Variants in TRIM9 observed in about 807,000 individuals in gnomAD.
TRIM9 encodes the protein tripartite motif containing 9, also known as E3 ubiquitin-protein ligase TRIM9.
In TRIM9, 26 loss-of-function variants were observed where a neutral mutation model predicts 78.3. The ratio of observed to expected loss-of-function variants is 0.33; its 90% CI spans 0.24 to 0.46. The LOEUF is 0.46. Ranked by LOEUF, TRIM9 falls within the 20% of genes least tolerant of loss-of-function variation. TRIM9 has a pLI of 1.00. For synonymous variants in TRIM9, 398 were observed against 416.5 expected, an observed-to-expected ratio of 0.96 and a Z score of 0.54; for missense variants, 787 against 1,036.4, an observed-to-expected ratio of 0.76 and a Z score of 3.30.
In TRIM9 at chr14:50,986,150, T is replaced by C. The variant is rs1222878262; in HGVS notation, c.1604-6A>G. On this transcript the variant is annotated splice_polypyrimidine_tract_variant and splice_region_variant and intron_variant, in intron 7 of 12. Coordinates refer to ENST00000684578, the MANE Select transcript of TRIM9 (RefSeq NM_001387360.1). ...CTGTTCTTCTGAATCTGTGTCTAAA[T>C]GTAAGATCAATGCAAACTAGAGATC... 4 of 1,503,416 alleles carry C rather than the reference T, an allele frequency of 2.7e-6. No individual in the cohort carries two copies. The highest frequency in any genetic ancestry group is 3.6e-6 in the Non-Finnish European group (4 of 1,122,702). The allele number at this position is 1,503,416 out of a possible 1,614,324, so 93.1% of individuals were successfully genotyped here. A position where few individuals can be genotyped will look rare whatever the true frequency, so the allele number is the denominator to read the frequency against.
At chr14:50,981,611 C>G (rs973508547) in intron 11 of TRIM9, among the ~76,000 whole-genome samples, 189 bp downstream of exon 11, 2 of 152,176 alleles carry the variant, frequency 1.3e-5, no homozygotes, top group Non-Finnish European at 2.9e-5. Flanking sequence ...ACTCAAGTCT[C>G]TATCATTATA....
intron 1 of TRIM9, 57 bp from the exon 2 acceptor site, chr14:51,025,417 C>CCACACAGGTGTGTT: frequency 6.6e-7 from 1 of 1,510,496 alleles, no homozygotes. Context: ...ACCAACAAGG[C>CCACACAGGTGTGTT]CAGCGAGACT....
chr14:51,059,811 C>CA lies in TRIM9; in HGVS notation c.822+34306dup, dbSNP rs1394229642. On this transcript the variant is annotated intron_variant, in intron 1 of 12. Coordinates refer to ENST00000684578, the MANE Select transcript of TRIM9 (RefSeq NM_001387360.1). The stretch of plus-strand genomic sequence containing the variant: ...AGACTCTGTCTCAAAAAAAAAAAAA[C>CA]AAAAAAAACACAAAAAAACAAAAAA... 6.0e-3 allele frequency among the ~76,000 whole-genome samples: 803 copies of CA among 134,938 alleles called. 9 individuals carry two copies. Among genetic ancestry groups the CA allele is most frequent in the East Asian group, 0.032 (145 of 4,548 alleles). The allele number at this position is 134,938 out of a possible 152,430, so 88.5% of individuals were successfully genotyped here.
chr14:51,084,187 A>G (rs1000819540), intron 1 of TRIM9, among the ~76,000 whole-genome samples: 1 of 151,966 alleles, frequency 6.6e-6, no homozygotes, highest in African/African-American at 2.4e-5. Context: ...TTTTTTATAT[A>G]TATTTAGTGA....
At position 50,975,981 on chromosome 14, in the gene TRIM9, T is replaced by C. The variant is rs1441251004; in HGVS notation, c.*1310A>G. ...AGGCTGTGAATGGCAGCAGAGTGGA[T>C]GGATTTTTCATTCATAACAGGCACA... On this transcript the variant is annotated 3_prime_UTR_variant, in exon 13 of 13. Coordinates refer to ENST00000684578, the MANE Select transcript of TRIM9 (RefSeq NM_001387360.1). 4 of 152,614 alleles carry C rather than the reference T, an allele frequency of 2.6e-5. No individual in the cohort carries two copies. Among genetic ancestry groups the C allele is most frequent in the Admixed American group, 2.0e-4 (3 of 15,274 alleles). 9.5% of individuals were successfully genotyped at this position (152,614 alleles called of 1,614,324 possible).
chr14:51,031,147 C>CAAAAAAAAAAAAAAAAAAAAGAAA (rs1210514761), intron 1 of TRIM9, among the ~76,000 whole-genome samples: 1 of 100,768 alleles, frequency 9.9e-6, no homozygotes, highest in Non-Finnish European at 1.9e-5. Flanking sequence ...AAACTCTTTC[C>CAAAAAAAAAAAAAAAAAAAAGAAA]AAAAAAAAAA....
chr14:50,983,641 T>C (rs2052302256), intron 8 of TRIM9, among the ~76,000 whole-genome samples: 1 of 152,212 alleles, frequency 6.6e-6, no homozygotes, highest in Non-Finnish European at 1.5e-5. Flanking sequence ...TAAATCCTCC[T>C]CCAATTGATC....
In TRIM9 at chr14:51,054,365, CG is replaced by C. The variant is rs1291448360; in HGVS notation, c.823-29006del. ...TTGGCTCACTGCAATCTCTGCCTCT[CG>C]GGCTCAAGCCATACTCCCACCTCAG... On this transcript the variant is annotated intron_variant, in intron 1 of 12. Transcript: ENST00000684578. Among the ~76,000 whole-genome samples, 15 of 152,040 alleles carry C rather than the reference CG, an allele frequency of 9.9e-5. No individual in the cohort carries two copies. The East Asian group carries it at 2.9e-3, about 30-fold the overall frequency.
chr14:51,032,336 C>T (rs2058802452), intron 1 of TRIM9, among the ~76,000 whole-genome samples: 1 of 152,198 alleles, frequency 6.6e-6, no homozygotes, highest in Admixed American at 6.5e-5. Context: ...TACTGTGGTG[C>T]TCTACCCAGA....
chr14:51,037,566 A>C (rs1402882317), intron 1 of TRIM9, among the ~76,000 whole-genome samples: 2 of 152,074 alleles, frequency 1.3e-5, no homozygotes, highest in Non-Finnish European at 2.9e-5. Flanking sequence ...GCTCTGGTGG[A>C]CTGTTGTTAA....
At chr14:50,994,398 C>A (rs1333386320) in intron 7 of TRIM9, among the ~76,000 whole-genome samples, 1 of 152,002 alleles carries the variant, frequency 6.6e-6, no homozygotes, top group Admixed American at 6.6e-5. Flanking sequence ...CAGAGTGTGA[C>A]CTTGTCTCAA....
In TRIM9 at chr14:51,059,810, A is replaced by AC. The variant is rs397796135; in HGVS notation, c.822+34307dup. ...GAGACTCTGTCTCAAAAAAAAAAAA[A>AC]CAAAAAAAACACAAAAAAACAAAAA... is the stretch of plus-strand genomic sequence containing the variant. On this transcript the variant is annotated intron_variant, in intron 1 of 12. Transcript: ENST00000684578. 2.7e-5 allele frequency among the ~76,000 whole-genome samples: 4 copies of AC among 150,848 alleles called. No homozygotes were observed. The South Asian group carries it at 6.3e-4, about 24-fold the overall frequency.
intron 1 of TRIM9, among the ~76,000 whole-genome samples, chr14:51,030,416 G>C (rs2058625976): frequency 6.6e-6 from 1 of 152,222 alleles, no homozygotes; most frequent in Admixed American, 6.5e-5. Context: ...TAGTCAGATG[G>C]ACAGGAATCC....
At chr14:51,042,784 G>T (rs951348165) in intron 1 of TRIM9, among the ~76,000 whole-genome samples, 3 of 152,032 alleles carry the variant, frequency 2.0e-5, no homozygotes, top group Admixed American at 2.0e-4. Context: ...GCTTTGCCAG[G>T]ACCCCAAGAC....
intron 1 of TRIM9, among the ~76,000 whole-genome samples, chr14:51,032,208 G>A (rs1207740600): frequency 6.6e-6 from 1 of 152,212 alleles, no homozygotes; most frequent in Non-Finnish European, 1.5e-5. Context: ...ACAGAGCAAT[G>A]GGGACCAACA....
chr14:51,003,865 G>A (rs1182611854), intron 5 of TRIM9, among the ~76,000 whole-genome samples: 4 of 152,144 alleles, frequency 2.6e-5, no homozygotes, highest in African/African-American at 9.7e-5. Context: ...GTATATAAAA[G>A]GTGAATGTGC....
At chr14:51,085,286 T>C (rs542838494) in intron 1 of TRIM9, among the ~76,000 whole-genome samples, 1 of 152,236 alleles carries the variant, frequency 6.6e-6, no homozygotes, top group Non-Finnish European at 1.5e-5. Flanking sequence ...ACCATCTACA[T>C]GTACTCCTGA....
Position 50,977,281 on chromosome 14 carries a change from CG to C in TRIM9, c.*9del. 1 of 1,493,254 alleles carries C rather than the reference CG, an allele frequency of 6.7e-7. No individual in the cohort carries two copies. The highest frequency in any genetic ancestry group is 9.0e-7 in the Non-Finnish European group (1 of 1,116,192). The allele number at this position is 1,493,254 out of a possible 1,614,324, so 92.5% of individuals were successfully genotyped here. On this transcript the variant is annotated 3_prime_UTR_variant, in exon 13 of 13. Transcript: ENST00000684578. ...TAAGAACAGGCAGCTGGCGCCTCCACGGCACATCCTTAGGCTATTGATGCTC... is the reference window on the plus strand; with the variant it reads ...TAAGAACAGGCAGCTGGCGCCTCCACGCACATCCTTAGGCTATTGATGCTC...
chr14:51,053,509 CTTT>C (rs201980160), intron 1 of TRIM9, among the ~76,000 whole-genome samples: 31,634 of 113,574 alleles, frequency 0.28, 3,148 homozygotes, highest in East Asian at 0.44. Context: ...AACAGGTATT[CTTT>C]TTTTTTTTTT....
Sources: gnomAD v4.1 joint callset for allele counts (sites outside exome capture counted in the v4.1 genomes callset) on GRCh38, gnomAD v4.1.1 for gene constraint, MANE v1.5 for transcripts, NCBI Gene and HGNC (gene_info 2026-07-23, HGNC 2026-07-21) for gene names.